TGFB3: variants seen among roughly 807,000 people sequenced by gnomAD.
The protein encoded by TGFB3 is transforming growth factor beta 3.
In TGFB3, 5 loss-of-function variants were observed where a neutral mutation model predicts 40.1. That is an observed-to-expected ratio of 0.12 (90% CI 0.07 to 0.26). The LOEUF is 0.26. Ranked by LOEUF, TGFB3 falls within the 10% of genes least tolerant of loss-of-function variation. The pLI is 1.00. For synonymous variants in TGFB3, 184 were observed against 205.6 expected (o/e 0.89, Z 0.90); for missense variants, 373 against 530.1 (o/e 0.70, Z 2.91).
chr14:75,962,470 G>A (rs968516848), intron 5 of TGFB3, among the ~76,000 whole-genome samples: 5 of 151,972 alleles, frequency 3.3e-5, no homozygotes, highest in African/African-American at 7.3e-5. Flanking sequence ...TTCCCAATTC[G>A]TTCTCCCCAG....
chr14:75,976,316 G>A (rs1403579405), intron 1 of TGFB3, among the ~76,000 whole-genome samples: 1 of 152,030 alleles, frequency 6.6e-6, no homozygotes, highest in Non-Finnish European at 1.5e-5. Flanking sequence ...TGGGGTCCAC[G>A]GCATATTTTT....
chr14:75,976,635 C>G (rs918577922), intron 1 of TGFB3, among the ~76,000 whole-genome samples: 3 of 152,092 alleles, frequency 2.0e-5, no homozygotes, highest in African/African-American at 7.2e-5. Flanking sequence ...CAAGCTGGAC[C>G]CACAGTCCTC....
rs1052266141 is a variant in TGFB3 at position 75,971,426 on chromosome 14, G to A, written c.516+129C>T. 6.0e-5 allele frequency: 92 copies of A among 1,522,994 alleles called. 1 individual carries two copies. The Middle Eastern group carries it at 6.8e-4, about 11-fold the overall frequency. The allele number at this position is 1,522,994 out of a possible 1,614,324, so 94.3% of individuals were successfully genotyped here. Reference sequence around the variant, plus strand: ...GTGTTTTAATGACAGACACAGATACGGAAACGAAGGCTCAGAGAAGCCAGG... The same window carrying A: ...GTGTTTTAATGACAGACACAGATACAGAAACGAAGGCTCAGAGAAGCCAGG... On this transcript the variant is annotated intron_variant, in intron 2 of 6. Coordinates refer to ENST00000238682, the MANE Select transcript of TGFB3 (RefSeq NM_003239.5). The surrounding 1 kb of genome is among the most constrained non-coding windows in gnomAD (Gnocchi z 4.5).
At position 75,971,810 on chromosome 14, in the gene TGFB3, C is replaced by G; in HGVS notation, c.353-92G>C. ...GGACAGGCACCAAGTGGCCACCGTCCCGCCTGCCACCTCCCTAGAGGCTTG... is the reference window on the plus strand; with the variant it reads ...GGACAGGCACCAAGTGGCCACCGTCGCGCCTGCCACCTCCCTAGAGGCTTG... On this transcript the variant is annotated intron_variant, in intron 1 of 6. Coordinates refer to ENST00000238682, the MANE Select transcript of TGFB3 (RefSeq NM_003239.5). The surrounding 1 kb of genome is among the most constrained non-coding windows in gnomAD (Gnocchi z 4.5). 7.0e-7 allele frequency: 1 copy of G among 1,418,984 alleles called. No individual in the cohort carries two copies. The highest frequency in any genetic ancestry group is 9.8e-7 in the Non-Finnish European group (1 of 1,020,458). The allele number at this position is 1,418,984 out of a possible 1,614,324, so 87.9% of individuals were successfully genotyped here.
intron 4 of TGFB3, 73 bp from the exon 5 acceptor site, chr14:75,963,560 C>A: frequency 6.4e-7 from 1 of 1,571,728 alleles, no homozygotes; most frequent in Non-Finnish European, 8.7e-7. Flanking sequence ...CTCCTCCACA[C>A]GCCCCATCAC....
chr14:75,961,869 C>T (rs577904973), intron 5 of TGFB3, among the ~76,000 whole-genome samples: 1 of 152,288 alleles, frequency 6.6e-6, no homozygotes, highest in East Asian at 1.9e-4. Flanking sequence ...TTTTCCTGTC[C>T]TCCCTTGAGA....
intron 1 of TGFB3, among the ~76,000 whole-genome samples, chr14:75,976,997 G>T (rs1487293134): frequency 6.6e-6 from 1 of 152,210 alleles, no homozygotes; most frequent in Non-Finnish European, 1.5e-5. Context: ...GGTGGGACCA[G>T]GGAATCTACA....
Position 75,980,443 on chromosome 14 carries a change from C to T in TGFB3, c.352+99G>A. 1 of 1,243,734 alleles carries T rather than the reference C, an allele frequency of 8.0e-7. No individual in the cohort carries two copies. The highest frequency in any genetic ancestry group is 1.2e-5 in the South Asian group (1 of 83,024). The allele number at this position is 1,243,734 out of a possible 1,614,324, so 77.0% of individuals were successfully genotyped here. A position where few individuals can be genotyped will look rare whatever the true frequency, so the allele number is the denominator to read the frequency against. On this transcript the variant is annotated intron_variant, in intron 1 of 6. Coordinates refer to ENST00000238682, the MANE Select transcript of TGFB3 (RefSeq NM_003239.5). This position sits in a 1 kb window ranked among gnomAD's most constrained non-coding sequence, Gnocchi z 4.3. ...GCCTTGGTGCTGGTGAATCCTGGGG[C>T]ACCCTGCTGTGTGGCCAGCACTAGG...
chr14:75,967,074 G>A (rs775873138), intron 3 of TGFB3, among the ~76,000 whole-genome samples: 12 of 152,174 alleles, frequency 7.9e-5, no homozygotes, highest in Non-Finnish European at 1.5e-4. Flanking sequence ...CTGAAATTGT[G>A]CCATCAGGGC....
Position 75,978,944 on chromosome 14 carries a change from C to T in TGFB3, c.352+1598G>A, listed in dbSNP as rs2035387682. Reference sequence around the variant, plus strand: ...CACCTCTCCTGCCGGCCTCAGATTTCGACCTTCCTCTGATGCTTGTGGTCA... The same window carrying T: ...CACCTCTCCTGCCGGCCTCAGATTTTGACCTTCCTCTGATGCTTGTGGTCA... On this transcript the variant is annotated intron_variant, in intron 1 of 6. Coordinates refer to ENST00000238682, the MANE Select transcript of TGFB3 (RefSeq NM_003239.5). This position sits in a 1 kb window ranked among gnomAD's most constrained non-coding sequence, Gnocchi z 5.0. 6.6e-6 allele frequency among the ~76,000 whole-genome samples: 1 copy of T among 152,164 alleles called. No individual in the cohort carries two copies. Among genetic ancestry groups the T allele is most frequent in the South Asian group, 2.1e-4 (1 of 4,828 alleles).
At chr14:75,959,897 T>C (rs531498953) in intron 6 of TGFB3, among the ~76,000 whole-genome samples, 52 of 147,002 alleles carry the variant, frequency 3.5e-4, no homozygotes, top group African/African-American at 1.2e-3. Flanking sequence ...TTGAAGCATA[T>C]GACAGTTACT....
At chr14:75,967,255 T>C (rs1281235934) in intron 3 of TGFB3, among the ~76,000 whole-genome samples, 2 of 152,208 alleles carry the variant, frequency 1.3e-5, no homozygotes, top group Non-Finnish European at 2.9e-5. Flanking sequence ...AGATCTGCTC[T>C]ACCCTAAGTC....
chr14:75,980,305 C>T lies in TGFB3; in HGVS notation c.352+237G>A, dbSNP rs1048183090. Among the ~76,000 whole-genome samples, 2 of 152,224 alleles carry T rather than the reference C, an allele frequency of 1.3e-5. No homozygotes were observed. The highest frequency in any genetic ancestry group is 4.8e-5 in the African/African-American group (2 of 41,466). ...AGGATGTGATGTGAATTCAGCAAGC[C>T]ACTCAGCTCCAGGGCTCCTGGCCTC... On this transcript the variant is annotated intron_variant, in intron 1 of 6. Coordinates refer to ENST00000238682, the MANE Select transcript of TGFB3 (RefSeq NM_003239.5). The surrounding 1 kb of genome is among the most constrained non-coding windows in gnomAD (Gnocchi z 4.3).
chr14:75,974,006 G>A (rs2035323988), intron 1 of TGFB3, among the ~76,000 whole-genome samples: 1 of 152,120 alleles, frequency 6.6e-6, no homozygotes, highest in Admixed American at 6.5e-5. Context: ...CAGGCCTGGT[G>A]GTGCGTGCCT....
Position 75,970,600 on chromosome 14 carries a change from A to G in TGFB3, c.646+526T>C, listed in dbSNP as rs865963589. On this transcript the variant is annotated intron_variant, in intron 3 of 6. Transcript: ENST00000238682. ...AATAATAATAATAATAATAATAATAATAATAATAGTAATAATAAATTATAT... is the reference window on the plus strand; with the variant it reads ...AATAATAATAATAATAATAATAATAGTAATAATAGTAATAATAAATTATAT... The G allele has an allele frequency of 5.1e-5, 7 of 137,932 alleles. No homozygotes were observed. In the East Asian group the frequency reaches 1.4e-3, roughly 28 times the overall value. 8.5% of individuals were successfully genotyped at this position (137,932 alleles called of 1,614,324 possible). A position where few individuals can be genotyped will look rare whatever the true frequency, so the allele number is the denominator to read the frequency against.
At position 75,965,630 on chromosome 14, in the gene TGFB3, T is replaced by C. The variant is rs1249703177; in HGVS notation, c.712A>G (p.Ile238Val). ...PCHTFQPNGDILENIHEVMEI... is the reference protein window; with the variant it reads ...PCHTFQPNGDVLENIHEVMEI... ...ATCACCTCGTGAATGTTTTCCAGGATATCTCCATTGGGCTGAAAGGTGTGA... is the reference window on the plus strand; with the variant it reads ...ATCACCTCGTGAATGTTTTCCAGGACATCTCCATTGGGCTGAAAGGTGTGA... Residue 238 changes from isoleucine to valine, a missense_variant, in exon 4 of 7, where the codon ATC becomes GTC. Ile to Val is a conservative substitution (Grantham distance 29). Transcript: ENST00000238682. 1 of 1,614,106 alleles carries C rather than the reference T, an allele frequency of 6.2e-7. No individual in the cohort carries two copies. The highest frequency in any genetic ancestry group is 8.5e-7 in the Non-Finnish European group (1 of 1,180,032).
chr14:75,967,398 G>A (rs1024925604), intron 3 of TGFB3, among the ~76,000 whole-genome samples: 1 of 152,184 alleles, frequency 6.6e-6, no homozygotes, highest in South Asian at 2.1e-4. Flanking sequence ...GAATGGAGAG[G>A]GAGGTATGAG....
Position 75,959,207 on chromosome 14 carries a change from T to G in TGFB3, c.1219A>C (p.Lys407Gln). 6.2e-7 allele frequency: 1 copy of G among 1,614,164 alleles called. No homozygotes were observed. The highest frequency in any genetic ancestry group is 8.5e-7 in the Non-Finnish European group (1 of 1,180,038). ...KVEQLSNMVV[K>Q]SCKCS ...GGGTCTCAGCTACATTTACAAGACT[T>G]CACCACCATGTTGGAGAGCTGCTCC... Residue 407 changes from lysine to glutamine, a missense_variant, in exon 7 of 7, where the codon AAG becomes CAG. Coordinates refer to ENST00000238682, the MANE Select transcript of TGFB3 (RefSeq NM_003239.5).
At chr14:75,975,469 T>C (rs1480384861) in intron 1 of TGFB3, among the ~76,000 whole-genome samples, 1 of 152,216 alleles carries the variant, frequency 6.6e-6, no homozygotes, top group Non-Finnish European at 1.5e-5. Context: ...AATAATGATG[T>C]TTTAAGTAAT....
Sources: allele counts gnomAD v4.1 joint callset (sites outside exome capture counted in the v4.1 genomes callset), GRCh38; gene constraint gnomAD v4.1.1; non-coding constraint Gnocchi (gnomAD v3.1); transcripts MANE v1.5; gene names NCBI Gene and HGNC (gene_info 2026-07-23, HGNC 2026-07-21).